CCDC88A: variants seen among roughly 807,000 people sequenced by gnomAD.
CCDC88A encodes girdin.
A neutral mutation model predicts 234.3 loss-of-function variants in CCDC88A; 54 were observed. That is an observed-to-expected ratio of 0.23 (90% CI 0.19 to 0.29). The LOEUF is 0.29. CCDC88A is among the 10% of genes least tolerant of loss of function. The pLI is 1.00. For synonymous variants in CCDC88A, 753 were observed against 737.8 expected (o/e 1.02, Z -0.33); for missense variants, 1,832 against 2,123.4 (o/e 0.86, Z 2.70).
At chr2:55,301,827 G>C (rs376309913) in intron 27 of CCDC88A, 45 bp downstream of exon 27, 1 of 1,521,868 alleles carries the variant, frequency 6.6e-7, no homozygotes, top group African/African-American at 1.4e-5. Context: ...TAAAATTCTT[G>C]TTGCCAACAA....
intron 5 of CCDC88A, among the ~76,000 whole-genome samples, chr2:55,367,849 A>G (rs1672251419): frequency 1.3e-5 from 2 of 152,138 alleles, no homozygotes; most frequent in South Asian, 4.1e-4. Flanking sequence ...CAAAATTTTA[A>G]TTCCAACCAC....
intron 3 of CCDC88A, among the ~76,000 whole-genome samples, chr2:55,383,789 A>G (rs1178540744): frequency 7.2e-5 from 11 of 152,160 alleles, no homozygotes; most frequent in Non-Finnish European, 1.6e-4. Context: ...GCTGATGAGA[A>G]TTCCATTGAT....
intron 2 of CCDC88A, chr2:55,417,892 T>G (rs2105013897): frequency 1.3e-5 from 2 of 152,154 alleles, no homozygotes; most frequent in East Asian, 3.9e-4. Flanking sequence ...AGTTCCAAAC[T>G]ACCTCTTCTC....
At chr2:55,323,436 G>A (rs962632893) in intron 17 of CCDC88A, 1 of 152,136 alleles carries the variant, frequency 6.6e-6, no homozygotes, top group Non-Finnish European at 1.5e-5. Context: ...TGCTACCAAT[G>A]AGTTAGAAAA....
chr2:55,410,872 A>AAG (rs1680365074), intron 2 of CCDC88A, among the ~76,000 whole-genome samples: 1 of 150,444 alleles, frequency 6.6e-6, no homozygotes, highest in South Asian at 2.1e-4. Flanking sequence ...CAGTCTCGGC[A>AAG]AGAGAGAGAG....
intron 2 of CCDC88A, among the ~76,000 whole-genome samples, chr2:55,414,786 C>A (rs1323898095): frequency 6.6e-6 from 1 of 152,030 alleles, no homozygotes; most frequent in Non-Finnish European, 1.5e-5. Flanking sequence ...AGGTTCCTGG[C>A]CAGGTGTGGT....
At chr2:55,341,449 CTT>C (rs1210854798) in intron 12 of CCDC88A, among the ~76,000 whole-genome samples, 1 of 136,952 alleles carries the variant, frequency 7.3e-6, no homozygotes. Context: ...TCCCCGCCCC[CTT>C]TTTTTTTTTC....
intron 6 of CCDC88A, 68 bp from the exon 7 acceptor site, chr2:55,362,516 G>A: frequency 7.4e-7 from 1 of 1,344,888 alleles, no homozygotes; most frequent in East Asian, 2.5e-5. Context: ...TTTCACTATA[G>A]TACAATATTA....
At chr2:55,299,816 T>C in intron 29 of CCDC88A, 23 bp downstream of exon 29, 4 of 1,498,206 alleles carry the variant, frequency 2.7e-6, no homozygotes, top group Non-Finnish European at 3.7e-6. Context: ...TAGAGCGCAT[T>C]AATAAATTTA....
At chr2:55,370,485 T>TA (rs1672651989) in intron 5 of CCDC88A, among the ~76,000 whole-genome samples, 1 of 149,368 alleles carries the variant, frequency 6.7e-6, no homozygotes, top group Admixed American at 6.7e-5. Context: ...CTACTAAAAA[T>TA]AAAAAATTAG....
At chr2:55,304,380 G>GT (rs1681275651) in intron 25 of CCDC88A, among the ~76,000 whole-genome samples, 2 of 152,078 alleles carry the variant, frequency 1.3e-5, no homozygotes, top group Admixed American at 1.3e-4. Flanking sequence ...TTCCTTCTTG[G>GT]TTTAAACTGG....
chr2:55,371,807 A>T (rs1359013817), intron 5 of CCDC88A, among the ~76,000 whole-genome samples: 1 of 152,084 alleles, frequency 6.6e-6, no homozygotes, highest in African/African-American at 2.4e-5. Flanking sequence ...TATTAACAGT[A>T]CCTTCTTTGA....
intron 31 of CCDC88A, chr2:55,292,779 T>C: frequency 6.6e-6 from 1 of 152,454 alleles, no homozygotes; most frequent in Non-Finnish European, 1.5e-5. Context: ...GAGAATTGCC[T>C]GAATCCAGGA....
In CCDC88A at chr2:55,291,738, G is replaced by C; in HGVS notation, c.5589C>G (p.Ser1863Arg). The C allele has an allele frequency of 1.9e-6, 3 of 1,612,282 alleles. No homozygotes were observed. The highest frequency in any genetic ancestry group is 2.5e-6 in the Non-Finnish European group (3 of 1,178,788). ...AGGAGCTTTGTTGCTCCCTAGACCT[G>C]CTTTTTGAATTTCTGCTTTCTTGTA... ...DKVQESRNSK[S>R]RSREQQSS The change falls in exon 32 of 33, where the codon AGC (serine) becomes AGG (arginine). Residue 1863 changes from serine (S) to arginine (R), a missense_variant. This residue lies in a region of CCDC88A where 422 missense variants were observed against 416.5 expected (regional missense o/e 1.01). Transcript: ENST00000436346.
chr2:55,412,262 C>A (rs941252729), intron 2 of CCDC88A, among the ~76,000 whole-genome samples: 1 of 152,186 alleles, frequency 6.6e-6, no homozygotes, highest in Non-Finnish European at 1.5e-5. Context: ...GGTGAAGGTA[C>A]TTCCGAATCA....
chr2:55,390,867 T>C (rs921035980), intron 2 of CCDC88A, among the ~76,000 whole-genome samples: 6 of 152,180 alleles, frequency 3.9e-5, no homozygotes, highest in African/African-American at 1.4e-4. Context: ...GGCATGAATG[T>C]AGTGGCTCAT....
Position 55,351,963 on chromosome 2 carries a change from C to A in CCDC88A, c.801-2364G>T, listed in dbSNP as rs148443865. Reference sequence around the variant, plus strand: ...AAACGTTATGCTAAATAAATGAAGCCAGTCACAAAAGGCACGTATTGTATG... The same window carrying A: ...AAACGTTATGCTAAATAAATGAAGCAAGTCACAAAAGGCACGTATTGTATG... On this transcript the variant is annotated intron_variant, in intron 8 of 32. Coordinates refer to ENST00000436346, the MANE Select transcript of CCDC88A (RefSeq NM_001365480.1). Among the ~76,000 whole-genome samples, 60 of 152,142 alleles carry A rather than the reference C, an allele frequency of 3.9e-4. No homozygotes were observed. The East Asian group carries it at 0.011, about 28-fold the overall frequency.
rs541667112 is a variant in CCDC88A at position 55,355,987 on chromosome 2, T to A, written c.628-236A>T. ...TAATGCTTTTCCCTTCCTAGTTTTT[T>A]ATTTATTTATTTATTTATTTTTAAA... On this transcript the variant is annotated intron_variant, in intron 7 of 32. Coordinates refer to ENST00000436346, the MANE Select transcript of CCDC88A (RefSeq NM_001365480.1). The A allele has an allele frequency of 4.5e-5, 12 of 267,122 alleles. No homozygotes were observed. In the East Asian group the frequency reaches 8.5e-4, roughly 19 times the overall value. 16.5% of individuals were successfully genotyped at this position (267,122 alleles called of 1,614,324 possible).
chr2:55,291,548 C>A (rs974618112), intron 32 of CCDC88A, 128 bp downstream of exon 32: 1 of 440,170 alleles, frequency 2.3e-6, no homozygotes, highest in African/African-American at 2.0e-5. Context: ...GTAAGTAGAA[C>A]AGAAAGTCAA....
Sources: gnomAD v4.1 joint callset for allele counts (sites outside exome capture counted in the v4.1 genomes callset) on GRCh38, gnomAD v4.1.1 for gene constraint, gnomAD v4.1.1 regional missense constraint, MANE v1.5 for transcripts, NCBI Gene and HGNC (gene_info 2026-07-23, HGNC 2026-07-21) for gene names.